Variants in GPR149 observed in about 807,000 individuals in gnomAD.
GPR149 encodes probable G protein-coupled receptor 149.
A neutral mutation model predicts 50.2 loss-of-function variants in GPR149; 50 were observed. The ratio of observed to expected loss-of-function variants is 1.00; its 90% confidence interval spans 0.79 to 1.26. The LOEUF is 1.26. Ranked by LOEUF, GPR149 falls within the 50% of genes most tolerant of loss-of-function variation. The probability of loss-of-function intolerance (pLI) is 0.00; values close to 1 mark genes in which losing one functional copy is unlikely to be tolerated. For missense variants in GPR149, 983 were observed against 895.4 expected, an observed-to-expected ratio of 1.10 and a Z score of -1.25; for synonymous variants, 405 against 358.2, an observed-to-expected ratio of 1.13 and a Z score of -1.48.
chr3:154,417,183 C>T (rs1298694966), intron 3 of GPR149, among the ~76,000 whole-genome samples: 1 of 148,924 alleles, frequency 6.7e-6, no homozygotes. Context: ...AACTAAAAAA[C>T]TCTGACGTTT....
intron 3 of GPR149, among the ~76,000 whole-genome samples, chr3:154,375,404 C>A (rs1351908504): frequency 6.6e-6 from 1 of 152,006 alleles, no homozygotes; most frequent in Non-Finnish European, 1.5e-5. Flanking sequence ...GTATTAACTC[C>A]CTATAAATTC....
chr3:154,373,292 C>T (rs908644908), intron 3 of GPR149, among the ~76,000 whole-genome samples: 1 of 152,068 alleles, frequency 6.6e-6, no homozygotes, highest in African/African-American at 2.4e-5. Context: ...AGGATAAGAA[C>T]TGAAAAGCTC....
rs1320397132 is a variant in GPR149 at position 154,428,702 on chromosome 3, C to G, written c.914G>C (p.Ser305Thr). ...TLYGTRSFTV[S>T]VAQKRFALIL... ...CAAAGCGAAGCGCTTCTGCGCTACG[C>G]TCACGGTGAAGCTCCTGGTGCCATA... is the stretch of plus-strand genomic sequence containing the variant. Residue 305 changes from serine to threonine, a missense_variant, in exon 1 of 4, where the codon AGC (serine) becomes ACC (threonine). Coordinates refer to ENST00000389740, the MANE Select transcript of GPR149 (RefSeq NM_001038705.3). The G allele has an allele frequency of 4.3e-6, 7 of 1,614,170 alleles. No homozygotes were observed. The highest frequency in any genetic ancestry group is 5.9e-6 in the Non-Finnish European group (7 of 1,180,038).
At chr3:154,361,696 T>C (rs1714404251) in intron 3 of GPR149, among the ~76,000 whole-genome samples, 1 of 152,206 alleles carries the variant, frequency 6.6e-6, no homozygotes, top group South Asian at 2.1e-4. Flanking sequence ...GCCATCCTAA[T>C]GTGGAAGTCT....
chr3:154,387,537 C>T (rs1422948442), intron 3 of GPR149, among the ~76,000 whole-genome samples: 3 of 152,104 alleles, frequency 2.0e-5, no homozygotes, highest in African/African-American at 7.2e-5. Context: ...CTGTCTGGAG[C>T]CAAGTATAGG....
chr3:154,393,273 T>A (rs942972788), intron 3 of GPR149, among the ~76,000 whole-genome samples: 4 of 151,930 alleles, frequency 2.6e-5, no homozygotes, highest in African/African-American at 9.7e-5. Flanking sequence ...CAAGTATGGT[T>A]CAACATATAA....
intron 3 of GPR149, among the ~76,000 whole-genome samples, chr3:154,366,847 C>T (rs1010670137): frequency 6.6e-6 from 1 of 152,228 alleles, no homozygotes; most frequent in Non-Finnish European, 1.5e-5. Flanking sequence ...ACCTTGGGCA[C>T]ACTTTCTCAG....
Position 154,374,535 on chromosome 3 carries a change from A to G in GPR149, c.1624-36264T>C, listed in dbSNP as rs1465727348. On this transcript the variant is annotated intron_variant, in intron 3 of 3. Transcript: ENST00000389740. ...AGGTAGCTGAAGGTGAGGGCTCTCT[A>G]GTCCCTCACAATATCCAGAAATAGA... 3.7e-4 allele frequency among the ~76,000 whole-genome samples: 56 copies of G among 152,104 alleles called. 1 individual carries two copies. The highest frequency in any genetic ancestry group is 2.9e-5 in the Non-Finnish European group (2 of 68,012).
At chr3:154,346,096 AT>A (rs1713919355) in intron 3 of GPR149, among the ~76,000 whole-genome samples, 2 of 152,190 alleles carry the variant, frequency 1.3e-5, no homozygotes, top group Non-Finnish European at 2.9e-5. Context: ...AGTAACCCAA[AT>A]GACTGACAAT....
chr3:154,429,413 G>A lies in GPR149; in HGVS notation c.203C>T (p.Ser68Phe). The A allele has an allele frequency of 6.2e-7, 1 of 1,614,152 alleles. No individual in the cohort carries two copies. Among genetic ancestry groups the A allele is most frequent in the South Asian group, 1.1e-5 (1 of 91,084 alleles). Reference protein sequence around the residue: ...LLKMQNRTVVSMLVASWSVDD... With the variant: ...LLKMQNRTVVFMLVASWSVDD... ...CACAGACCAGGAAGCCACAAGCATG[G>A]ACACAACAGTTCTGTTCTGCATTTT... Residue 68 changes from serine to phenylalanine, a missense_variant, in exon 1 of 4, where the codon TCC becomes TTC. Transcript: ENST00000389740.
chr3:154,394,652 G>A (rs919367229), intron 3 of GPR149, among the ~76,000 whole-genome samples: 5 of 152,012 alleles, frequency 3.3e-5, no homozygotes, highest in African/African-American at 9.7e-5. Context: ...TCAGATAAGA[G>A]GTTAATATCA....
chr3:154,354,326 C>A, intron 3 of GPR149: 1 of 261,906 alleles, frequency 3.8e-6, no homozygotes, highest in South Asian at 5.0e-5. Flanking sequence ...TCTATAATCC[C>A]TTATCTGAAA....
intron 3 of GPR149, among the ~76,000 whole-genome samples, chr3:154,420,556 A>T (rs1361961381): frequency 2.0e-5 from 3 of 151,958 alleles, no homozygotes; most frequent in Non-Finnish European, 4.4e-5. Context: ...GATTAGTTCT[A>T]GTAAGACTGA....
At chr3:154,352,722 A>C in intron 3 of GPR149, 2 of 785,878 alleles carry the variant, frequency 2.5e-6, no homozygotes, top group East Asian at 2.4e-5. Flanking sequence ...CAACAGCAGC[A>C]TAAGAAACGG....
rs72998616 is a variant in GPR149, at chr3:154,348,331, A to T, written c.1624-10060T>A. Among the ~76,000 whole-genome samples the T allele has an allele frequency of 2.4e-3, 373 of 152,330 alleles. 3 individuals carry two copies. Among genetic ancestry groups the T allele is most frequent in the African/African-American group, 8.7e-3 (362 of 41,574 alleles). On this transcript the variant is annotated intron_variant, in intron 3 of 3. Transcript: ENST00000389740. ...CCAGACATTGGCAGAATGGATTAAAAACACAACTCAGTTATATATTGTCTA... is the reference window on the plus strand; with the variant it reads ...CCAGACATTGGCAGAATGGATTAAATACACAACTCAGTTATATATTGTCTA...
intron 3 of GPR149, chr3:154,353,719 A>G (rs1714145184): frequency 9.1e-7 from 1 of 1,093,838 alleles, no homozygotes; most frequent in East Asian, 2.4e-5. Context: ...CTTTTTAAAA[A>G]TTGTTTCTTG....
chr3:154,370,835 G>A (rs1164831453), intron 3 of GPR149, among the ~76,000 whole-genome samples: 4 of 152,184 alleles, frequency 2.6e-5, no homozygotes, highest in Non-Finnish European at 1.5e-5. Flanking sequence ...CTCCTCAGCT[G>A]CCATTAGGAG....
intron 3 of GPR149, among the ~76,000 whole-genome samples, chr3:154,367,345 C>CGCT (rs1553763855): frequency 2.0e-5 from 3 of 151,354 alleles, no homozygotes; most frequent in African/African-American, 7.3e-5. Context: ...TTCCCCCCCC[C>CGCT]GAAACTAAAA....
Position 154,406,548 on chromosome 3 carries a change from A to C in GPR149, c.1623+14491T>G, listed in dbSNP as rs1159881026. ...GTTAAATTGACTATGGTATATTCAC[A>C]CTGGGTTATTACACAGCCATGAGGA... On this transcript the variant is annotated intron_variant, in intron 3 of 3. Coordinates refer to ENST00000389740, the MANE Select transcript of GPR149 (RefSeq NM_001038705.3). 3.3e-5 allele frequency among the ~76,000 whole-genome samples: 5 copies of C among 152,202 alleles called. No homozygotes were observed. In the East Asian group the frequency reaches 9.6e-4, roughly 29 times the overall value.
Sources: allele counts gnomAD v4.1 joint callset (sites outside exome capture counted in the v4.1 genomes callset), GRCh38; gene constraint gnomAD v4.1.1; transcripts MANE v1.5; gene names NCBI Gene and HGNC (gene_info 2026-07-23, HGNC 2026-07-21).